Variants in MRTFA observed in about 807,000 individuals in gnomAD.
MRTFA encodes the protein myocardin-related transcription factor A.
In MRTFA, 20 loss-of-function variants were observed where a neutral mutation model predicts 83.5. The observed-to-expected ratio is 0.24, with a 90% CI of 0.17 to 0.35. The LOEUF (loss-of-function observed/expected upper bound fraction) is 0.35, where lower values mean the gene tolerates loss of function less well. MRTFA is among the 10% of genes least tolerant of loss of function. The probability of loss-of-function intolerance (pLI) is 1.00; values close to 1 mark genes in which losing one functional copy is unlikely to be tolerated. For missense variants in MRTFA, 1,200 were observed against 1,224.7 expected, an observed-to-expected ratio of 0.98 and a Z score of 0.30; for synonymous variants, 659 against 541.2, an observed-to-expected ratio of 1.22 and a Z score of -3.02.
intron 3 of MRTFA, among the ~76,000 whole-genome samples, chr22:40,541,940 A>C (rs1270027815): frequency 6.6e-6 from 1 of 152,160 alleles, no homozygotes; most frequent in Non-Finnish European, 1.5e-5. Flanking sequence ...CGCTGGGATT[A>C]CAGGCGTGAG....
chr22:40,553,510 C>A (rs1037508368), intron 2 of MRTFA, among the ~76,000 whole-genome samples: 1 of 152,256 alleles, frequency 6.6e-6, no homozygotes, highest in South Asian at 2.1e-4. Flanking sequence ...GGCTTCGAAG[C>A]GTGCAAGCCC....
At chr22:40,628,539 C>T (rs901955187) in intron 1 of MRTFA, among the ~76,000 whole-genome samples, 1 of 151,876 alleles carries the variant, frequency 6.6e-6, no homozygotes, top group African/African-American at 2.4e-5. Context: ...ATGAACTAGC[C>T]AAATTACTCA....
intron 3 of MRTFA, among the ~76,000 whole-genome samples, chr22:40,485,370 G>A (rs1262130538): frequency 6.6e-6 from 1 of 152,098 alleles, no homozygotes; most frequent in Non-Finnish European, 1.5e-5. Context: ...CTGCCTCTTC[G>A]ATGCTTCTCC....
At chr22:40,441,585 G>C (rs1041731937) in intron 4 of MRTFA, among the ~76,000 whole-genome samples, 1 of 152,128 alleles carries the variant, frequency 6.6e-6, no homozygotes, top group Non-Finnish European at 1.5e-5. Flanking sequence ...AGGAGTTCGA[G>C]ACCAGCCTGG....
At chr22:40,470,281 A>ATG (rs57079888) in intron 3 of MRTFA, among the ~76,000 whole-genome samples, 3 of 123,064 alleles carry the variant, frequency 2.4e-5, no homozygotes. Flanking sequence ...ATATATATAT[A>ATG]AAGAAACATA....
intron 3 of MRTFA, among the ~76,000 whole-genome samples, chr22:40,517,718 G>C (rs1308069977): frequency 6.6e-6 from 1 of 152,166 alleles, no homozygotes; most frequent in Non-Finnish European, 1.5e-5. Flanking sequence ...GGTAAAAGGA[G>C]TCGTCTTTTG....
At chr22:40,524,892 C>T (rs1432489141) in intron 3 of MRTFA, among the ~76,000 whole-genome samples, 1 of 152,188 alleles carries the variant, frequency 6.6e-6, no homozygotes, top group Non-Finnish European at 1.5e-5. Flanking sequence ...ACTGCAACCT[C>T]CACCTCCCAG....
At chr22:40,421,208 C>A (rs1428619969) in intron 9 of MRTFA, 108 bp from the exon 10 acceptor site, 8 of 1,285,268 alleles carry the variant, frequency 6.2e-6, no homozygotes, top group Non-Finnish European at 8.5e-6. Context: ...ACATCCCCAT[C>A]CACACTTTGC....
chr22:40,464,126 C>A (rs1479535071), intron 3 of MRTFA, among the ~76,000 whole-genome samples: 1 of 151,644 alleles, frequency 6.6e-6, no homozygotes, highest in Non-Finnish European at 1.5e-5. Flanking sequence ...GACAGTGAAA[C>A]CCCATCTATA....
rs182859993 is a variant in MRTFA, at chr22:40,473,441, G to A, written c.242-10155C>T. Among the ~76,000 whole-genome samples, 586 of 152,280 alleles carry A rather than the reference G, an allele frequency of 3.8e-3. 5 individuals are homozygous for A. The highest frequency in any genetic ancestry group is 0.037 in the Middle Eastern group (11 of 294). On this transcript the variant is annotated intron_variant, in intron 3 of 14. Transcript: ENST00000355630. ...CCCAAAGTGCTGGGATTACAGGTGT[G>A]AGCCACTGTACCCAGCCAATATTAA... is the stretch of plus-strand genomic sequence containing the variant.
At chr22:40,633,582 T>A (rs1339881108) in intron 1 of MRTFA, among the ~76,000 whole-genome samples, 1 of 152,212 alleles carries the variant, frequency 6.6e-6, no homozygotes, top group African/African-American at 2.4e-5. Flanking sequence ...ATATGGAATC[T>A]GTATATATCA....
intron 3 of MRTFA, among the ~76,000 whole-genome samples, chr22:40,502,582 C>T (rs2054510958): frequency 6.9e-6 from 1 of 145,616 alleles, no homozygotes; most frequent in African/African-American, 2.5e-5. Context: ...GGCAGCCAGG[C>T]AGAGGGGCTC....
In MRTFA at chr22:40,411,354, C is replaced by A; in HGVS notation, c.*36G>T. On this transcript the variant is annotated 3_prime_UTR_variant, in exon 15 of 15. Transcript: ENST00000355630. ...AGCCACGCATTGGAGTACCCTGGCT[C>A]CCAGCCCCTTCCCCACCCCGTCTTG... 6.5e-7 allele frequency: 1 copy of A among 1,529,214 alleles called. No homozygotes were observed. Among genetic ancestry groups the A allele is most frequent in the Non-Finnish European group, 8.8e-7 (1 of 1,132,010 alleles). The allele number at this position is 1,529,214 out of a possible 1,614,324, so 94.7% of individuals were successfully genotyped here. A position where few individuals can be genotyped will look rare whatever the true frequency, so the allele number is the denominator to read the frequency against.
chr22:40,571,026 CAAA>C (rs71199292), intron 2 of MRTFA, among the ~76,000 whole-genome samples: 7 of 46,734 alleles, frequency 1.5e-4, no homozygotes, highest in African/African-American at 5.5e-4. Context: ...CCTGTCTCTA[CAAA>C]AAAAAAAAAA....
chr22:40,445,588 G>A (rs1387906797), intron 4 of MRTFA, among the ~76,000 whole-genome samples: 1 of 152,028 alleles, frequency 6.6e-6, no homozygotes, highest in African/African-American at 2.4e-5. Context: ...AGGCTGGAGT[G>A]CAATGGCACA....
chr22:40,474,997 CCTGA>C (rs1219545875), intron 3 of MRTFA, among the ~76,000 whole-genome samples: 2 of 151,960 alleles, frequency 1.3e-5, no homozygotes, highest in African/African-American at 4.8e-5. Flanking sequence ...TGCCACCACG[CCTGA>C]CTAATTTTTG....
In MRTFA at chr22:40,472,105, T is replaced by C. The variant is rs1363186851; in HGVS notation, c.242-8819A>G. On this transcript the variant is annotated intron_variant, in intron 3 of 14. Coordinates refer to ENST00000355630, the MANE Select transcript of MRTFA (RefSeq NM_020831.6). ...CAGGACTGGAACCAAATATTCTGTA[T>C]CCTTATCCCTGTAATCCTTCTCTCA... Among the ~76,000 whole-genome samples, 4 of 152,178 alleles carry C rather than the reference T, an allele frequency of 2.6e-5. No homozygotes were observed. The East Asian group carries it at 7.7e-4, about 29-fold the overall frequency.
chr22:40,417,169 G>A (rs1420005173), intron 13 of MRTFA, 123 bp from the exon 14 acceptor site: 22 of 1,365,212 alleles, frequency 1.6e-5, no homozygotes, highest in Non-Finnish European at 2.2e-5. Flanking sequence ...GGACCCATGG[G>A]CGTGCCCGGA....
chr22:40,450,508 T>C (rs886218457), intron 4 of MRTFA, among the ~76,000 whole-genome samples: 1 of 152,002 alleles, frequency 6.6e-6, no homozygotes, highest in Non-Finnish European at 1.5e-5. Context: ...CAGCCTGGAG[T>C]GCAGTGGTGC....
Sources: gnomAD v4.1 joint callset for allele counts (sites outside exome capture counted in the v4.1 genomes callset) on GRCh38, gnomAD v4.1.1 for gene constraint, MANE v1.5 for transcripts, NCBI Gene and HGNC (gene_info 2026-07-23, HGNC 2026-07-21) for gene names.